PRMT3: variants seen among roughly 807,000 people sequenced by gnomAD.
The protein encoded by PRMT3 is protein arginine N-methyltransferase 3.
Under a neutral mutation model 71.9 loss-of-function variants are expected in PRMT3, and 62 were observed. The ratio of observed to expected loss-of-function variants is 0.86; its 90% confidence interval spans 0.70 to 1.07. The LOEUF is 1.07. Ranked by LOEUF, PRMT3 falls within the 50% of genes least tolerant of loss-of-function variation. The pLI, the probability that PRMT3 is intolerant of heterozygous loss-of-function variation, is 0.00. For missense variants in PRMT3, 663 were observed against 643.0 expected, an observed-to-expected ratio of 1.03 and a Z score of -0.34; for synonymous variants, 213 against 220.4, an observed-to-expected ratio of 0.97 and a Z score of 0.30.
intron 3 of PRMT3, 80 bp downstream of exon 3, chr11:20,389,906 CT>C: frequency 9.5e-7 from 1 of 1,056,008 alleles, no homozygotes; most frequent in Non-Finnish European, 1.4e-6. Context: ...AATCCCAGCA[CT>C]TTGGGAGGCT....
chr11:20,424,595 G>A (rs901753246), intron 9 of PRMT3, among the ~76,000 whole-genome samples: 2 of 152,106 alleles, frequency 1.3e-5, no homozygotes, highest in African/African-American at 4.8e-5. Context: ...AGAAAACATA[G>A]GTGAAGTATT....
At chr11:20,471,297 A>T (rs1322845379) in intron 13 of PRMT3, among the ~76,000 whole-genome samples, 1 of 152,096 alleles carries the variant, frequency 6.6e-6, no homozygotes, top group East Asian at 1.9e-4. Context: ...GCCCGTGCCT[A>T]TGTCCTTAGT....
chr11:20,403,461 C>A (rs1407396013), intron 8 of PRMT3, among the ~76,000 whole-genome samples: 1 of 151,744 alleles, frequency 6.6e-6, no homozygotes, highest in African/African-American at 2.4e-5. Flanking sequence ...CTTTATTTAC[C>A]CCATTTAGAG....
At position 20,477,806 on chromosome 11, in the gene PRMT3, C is replaced by T. The variant is rs865943384; in HGVS notation, c.1347+13260C>T. ...GAAGGTTTTGGCTTAGGAGAAACCC[C>T]CCCCCCCCACTTCCTGTTTTGCAGC... On this transcript the variant is annotated intron_variant, in intron 13 of 15. Coordinates refer to ENST00000331079, the MANE Select transcript of PRMT3 (RefSeq NM_005788.4). Among the ~76,000 whole-genome samples, 32 of 139,674 alleles carry T rather than the reference C, an allele frequency of 2.3e-4. 1 individual carries two copies. Among genetic ancestry groups the T allele is most frequent in the African/African-American group, 8.0e-4 (31 of 38,572 alleles). 91.6% of individuals were successfully genotyped at this position (139,674 alleles called of 152,430 possible).
chr11:20,399,387 T>C (rs1848900032), intron 7 of PRMT3, among the ~76,000 whole-genome samples: 3 of 152,224 alleles, frequency 2.0e-5, no homozygotes, highest in African/African-American at 7.2e-5. Flanking sequence ...CATGTCATGG[T>C]TGTGCTTTTT....
At chr11:20,446,854 C>T (rs372032078) in intron 10 of PRMT3, among the ~76,000 whole-genome samples, 11 of 152,072 alleles carry the variant, frequency 7.2e-5, no homozygotes, top group East Asian at 3.8e-4. Context: ...TATCATCAGC[C>T]GCCTGTATTT....
At chr11:20,414,675 G>A (rs1158879721) in intron 9 of PRMT3, among the ~76,000 whole-genome samples, 1 of 152,098 alleles carries the variant, frequency 6.6e-6, no homozygotes, top group African/African-American at 2.4e-5. Context: ...ACTTTCAGAT[G>A]TTACTGCAGA....
Position 20,403,559 on chromosome 11 carries a change from T to G in PRMT3, c.771+575T>G, listed in dbSNP as rs1004458346. Among the ~76,000 whole-genome samples the G allele has an allele frequency of 2.6e-5, 4 of 152,312 alleles. No individual in the cohort carries two copies. In the East Asian group the frequency reaches 7.7e-4, roughly 29 times the overall value. On this transcript the variant is annotated intron_variant, in intron 8 of 15. Coordinates refer to ENST00000331079, the MANE Select transcript of PRMT3 (RefSeq NM_005788.4). The stretch of plus-strand genomic sequence containing the variant: ...CCCTGTGTGTGCATGTGCCTGTGTG[T>G]TAGAAATTTGTGTTTTTTGGCTTTT...
chr11:20,498,823 G>A (rs947268329), intron 15 of PRMT3, among the ~76,000 whole-genome samples: 1 of 152,186 alleles, frequency 6.6e-6, no homozygotes, highest in African/African-American at 2.4e-5. Flanking sequence ...CCTAGATTCT[G>A]CATCTACAAG....
chr11:20,397,613 C>T lies in PRMT3; in HGVS notation c.597C>T (p.Val199=). The part of the protein sequence containing the change: ...FAQDFVMHTD[V]RTCSSSTSVI... ...AGGATTTTGTGATGCACACAGATGTCAGAACCTGCTCGTCATCTACTAGTG... is the reference window on the plus strand; with the variant it reads ...AGGATTTTGTGATGCACACAGATGTTAGAACCTGCTCGTCATCTACTAGTG... Residue 199 remains valine (V), a synonymous_variant, in exon 7 of 16, where the codon GTC becomes GTT. Coordinates refer to ENST00000331079, the MANE Select transcript of PRMT3 (RefSeq NM_005788.4). 1 of 1,614,110 alleles carries T rather than the reference C, an allele frequency of 6.2e-7. No homozygotes were observed. The highest frequency in any genetic ancestry group is 8.5e-7 in the Non-Finnish European group (1 of 1,180,020).
chr11:20,403,280 T>A (rs1300622084), intron 8 of PRMT3, among the ~76,000 whole-genome samples: 1 of 152,216 alleles, frequency 6.6e-6, no homozygotes, highest in Non-Finnish European at 1.5e-5. Context: ...ACCATATTTT[T>A]TGTTTACAGT....
chr11:20,454,897 A>G (rs923934108), intron 11 of PRMT3, among the ~76,000 whole-genome samples: 5 of 152,110 alleles, frequency 3.3e-5, no homozygotes, highest in Non-Finnish European at 5.9e-5. Context: ...AGCACAGGCA[A>G]TAACTGGGAT....
chr11:20,462,608 C>A (rs1850411522), intron 12 of PRMT3, among the ~76,000 whole-genome samples: 1 of 152,106 alleles, frequency 6.6e-6, no homozygotes, highest in Non-Finnish European at 1.5e-5. Context: ...TAAGTAATTA[C>A]ATATAGTAAA....
chr11:20,468,912 C>T (rs999352661), intron 13 of PRMT3, among the ~76,000 whole-genome samples: 13 of 152,108 alleles, frequency 8.5e-5, no homozygotes, highest in South Asian at 2.1e-4. Flanking sequence ...ATGCCACAGA[C>T]GAAGCTTCAT....
intron 11 of PRMT3, among the ~76,000 whole-genome samples, chr11:20,454,456 T>C (rs1380206580): frequency 6.6e-6 from 1 of 152,210 alleles, no homozygotes; most frequent in Non-Finnish European, 1.5e-5. Flanking sequence ...TCTAGCTCTT[T>C]CTATACTTTT....
At chr11:20,452,022 G>A (rs1240539864) in intron 10 of PRMT3, 108 bp from the exon 11 acceptor site, 10 of 726,582 alleles carry the variant, frequency 1.4e-5, no homozygotes, top group African/African-American at 9.2e-5. Context: ...ATCTGTGGCA[G>A]AAAAAAAAAT....
intron 15 of PRMT3, among the ~76,000 whole-genome samples, chr11:20,504,413 A>ATTTT (rs1386445985): frequency 9.3e-4 from 141 of 152,274 alleles, no homozygotes; most frequent in African/African-American, 3.3e-3. Context: ...CAAAATGGCA[A>ATTTT]GATTTACACA....
chr11:20,390,149 C>CAAA (rs10634828), intron 3 of PRMT3, among the ~76,000 whole-genome samples: 6 of 145,696 alleles, frequency 4.1e-5, no homozygotes, highest in African/African-American at 7.6e-5. Context: ...AGACTCTTCT[C>CAAA]AAAAAAAAAA....
At chr11:20,457,399 A>C (rs1850291437) in intron 11 of PRMT3, among the ~76,000 whole-genome samples, 1 of 152,172 alleles carries the variant, frequency 6.6e-6, no homozygotes, top group South Asian at 2.1e-4. Flanking sequence ...CTTAAGTTGA[A>C]TCTCTGCTGT....
Sources: gnomAD v4.1 joint callset for allele counts (sites outside exome capture counted in the v4.1 genomes callset) on GRCh38, gnomAD v4.1.1 for gene constraint, MANE v1.5 for transcripts, NCBI Gene and HGNC (gene_info 2026-07-23, HGNC 2026-07-21) for gene names.